Variants in CGNL1 observed in about 807,000 individuals in gnomAD.
CGNL1 encodes cingulin-like protein 1.
In CGNL1, 132 loss-of-function variants were observed where a neutral mutation model predicts 141.2. That is an observed-to-expected ratio of 0.93 (90% CI 0.81 to 1.08). CGNL1 has a LOEUF of 1.08. Among genes scored for constraint, CGNL1 ranks in the 50% least tolerant of loss-of-function variants. CGNL1 has a pLI of 0.00. For missense variants in CGNL1, 1,870 were observed against 1,588.6 expected (o/e 1.18, Z -3.01); for synonymous variants, 690 against 622.1 (o/e 1.11, Z -1.63).
At chr15:57,531,012 G>A (rs1346224306) in intron 13 of CGNL1, among the ~76,000 whole-genome samples, 2 of 152,228 alleles carry the variant, frequency 1.3e-5, no homozygotes, top group Non-Finnish European at 2.9e-5. Flanking sequence ...CCAGTTGTAA[G>A]TGGGGTGGTT....
chr15:57,389,557 G>C (rs1664458), intron 1 of CGNL1, among the ~76,000 whole-genome samples: 133,412 of 152,198 alleles, frequency 0.88, 59,193 homozygotes, highest in East Asian at 1. Flanking sequence ...AAAAAGACAC[G>C]TGCAGGAGTT....
chr15:57,427,854 TG>T (rs2062996240), intron 1 of CGNL1, among the ~76,000 whole-genome samples: 1 of 152,164 alleles, frequency 6.6e-6, no homozygotes, highest in African/African-American at 2.4e-5. Context: ...AAGTGGAGGC[TG>T]GAGGTGGGAA....
Position 57,547,563 on chromosome 15 carries a change from G to A in CGNL1, c.*73G>A. On this transcript the variant is annotated 3_prime_UTR_variant, in exon 19 of 19. Coordinates refer to ENST00000281282, the MANE Select transcript of CGNL1 (RefSeq NM_032866.5). ...AGCCACCCAAAGTGGGAGGCAGGGA[G>A]GGGAGCATCTGTCTGCCACTGAGAC... 6.5e-7 allele frequency: 1 copy of A among 1,549,752 alleles called. No homozygotes were observed. Among genetic ancestry groups the A allele is most frequent in the South Asian group, 1.2e-5 (1 of 83,138 alleles).
chr15:57,385,602 G>A (rs2062474011), intron 1 of CGNL1, among the ~76,000 whole-genome samples: 1 of 152,222 alleles, frequency 6.6e-6, no homozygotes, highest in African/African-American at 2.4e-5. Context: ...ACGATCACTA[G>A]GAGTGATGGC....
intron 8 of CGNL1, among the ~76,000 whole-genome samples, chr15:57,469,733 A>G (rs969303486): frequency 1.3e-5 from 2 of 152,110 alleles, no homozygotes; most frequent in Non-Finnish European, 2.9e-5. Context: ...CCACCCTCCA[A>G]TTTTGGCTGT....
intron 1 of CGNL1, among the ~76,000 whole-genome samples, chr15:57,382,296 C>T (rs1366111062): frequency 6.6e-6 from 1 of 152,120 alleles, no homozygotes; most frequent in African/African-American, 2.4e-5. Flanking sequence ...TATTTCAACC[C>T]GAGAAGGATC....
intron 1 of CGNL1, among the ~76,000 whole-genome samples, chr15:57,398,646 A>G (rs746845091): frequency 2.0e-5 from 3 of 152,178 alleles, no homozygotes; most frequent in Non-Finnish European, 4.4e-5. Flanking sequence ...AAACATAATA[A>G]CTGAGCATGT....
rs557632888 is a variant in CGNL1 at position 57,409,631 on chromosome 15, G to T, written c.-15-28354G>T. Among the ~76,000 whole-genome samples, 13 of 152,278 alleles carry T rather than the reference G, an allele frequency of 8.5e-5. No individual in the cohort carries two copies. In the South Asian group the frequency reaches 2.5e-3, roughly 29 times the overall value. ...ATCACTAACTGATGTTGTGTGAAAG[G>T]GGGAGGGAGAAGGTAGGATGCTTGC... On this transcript the variant is annotated intron_variant, in intron 1 of 18. Coordinates refer to ENST00000281282, the MANE Select transcript of CGNL1 (RefSeq NM_032866.5).
chr15:57,377,370 T>C (rs1595634460), intron 1 of CGNL1, among the ~76,000 whole-genome samples: 1 of 152,312 alleles, frequency 6.6e-6, no homozygotes. Flanking sequence ...AAAATACTGG[T>C]GCCTGTGTCC....
chr15:57,469,129 ATGG>A (rs2063548179), intron 8 of CGNL1, among the ~76,000 whole-genome samples: 1 of 152,006 alleles, frequency 6.6e-6, no homozygotes, highest in African/African-American at 2.4e-5. Flanking sequence ...TGCAGCTGGA[ATGG>A]TTAGAAGTAG....
At chr15:57,515,271 G>C (rs1317459558) in intron 8 of CGNL1, among the ~76,000 whole-genome samples, 2 of 152,194 alleles carry the variant, frequency 1.3e-5, no homozygotes, top group Non-Finnish European at 2.9e-5. Context: ...TCAGTTGCTT[G>C]GCTCCGATGG....
intron 7 of CGNL1, among the ~76,000 whole-genome samples, chr15:57,456,471 C>G (rs2063380079): frequency 6.7e-6 from 1 of 150,094 alleles, no homozygotes; most frequent in Admixed American, 6.7e-5. Context: ...TGTTTCTTCT[C>G]TAATAAACTG....
intron 1 of CGNL1, among the ~76,000 whole-genome samples, chr15:57,419,551 G>T (rs1050189875): frequency 1.3e-5 from 2 of 152,060 alleles, no homozygotes; most frequent in Non-Finnish European, 2.9e-5. Context: ...CAGTTTTGAA[G>T]GGTATTGGTT....
chr15:57,461,993 A>G, intron 8 of CGNL1, 101 bp downstream of exon 8: 1 of 858,012 alleles, frequency 1.2e-6, no homozygotes, highest in Non-Finnish European at 1.9e-6. Context: ...TTAATTAGAG[A>G]GTGAATCTCA....
intron 8 of CGNL1, 60 bp from the exon 9 acceptor site, chr15:57,516,720 A>T (rs2030829819): frequency 6.5e-7 from 1 of 1,547,210 alleles, no homozygotes; most frequent in African/African-American, 1.4e-5. Flanking sequence ...CCATTCTTCC[A>T]GCCTGGGGAC....
In CGNL1 at chr15:57,518,394, G is replaced by A. The variant is rs1302915932; in HGVS notation, c.2612G>A (p.Gly871Glu). Reference sequence around the variant, plus strand: ...CACTGACCCAGTGTTTCATTGTAGGGAGAAATACGACAGTTAGAGGAGGCC... The same window carrying A: ...CACTGACCCAGTGTTTCATTGTAGGAAGAAATACGACAGTTAGAGGAGGCC... ...KAKETLKKYE[G>E]EIRQLEEALV... The change falls in exon 10 of 19, where the codon GGA (glycine) becomes GAA (glutamate). Residue 871 changes from glycine to glutamate, a missense_variant and splice_region_variant. Physicochemically the swap from Gly to Glu is moderately conservative, Grantham distance 98 (BLOSUM62 -2). Coordinates refer to ENST00000281282, the MANE Select transcript of CGNL1 (RefSeq NM_032866.5). 1 of 1,611,450 alleles carries A rather than the reference G, an allele frequency of 6.2e-7. No individual in the cohort carries two copies. Among genetic ancestry groups the A allele is most frequent in the African/African-American group, 1.3e-5 (1 of 74,880 alleles).
At chr15:57,402,491 A>G (rs563879709) in intron 1 of CGNL1, among the ~76,000 whole-genome samples, 2 of 152,340 alleles carry the variant, frequency 1.3e-5, no homozygotes, top group African/African-American at 4.8e-5. Context: ...TAAGTAGGGC[A>G]TAAAGAAAGG....
intron 8 of CGNL1, among the ~76,000 whole-genome samples, chr15:57,464,263 C>T (rs1427980746): frequency 6.6e-6 from 1 of 151,990 alleles, no homozygotes; most frequent in Non-Finnish European, 1.5e-5. Flanking sequence ...CTTAGAGTTG[C>T]CAGTGAGAGA....
chr15:57,516,903 C>A lies in CGNL1; in HGVS notation c.2527C>A (p.Arg843=), dbSNP rs200180268. Residue 843 remains arginine (R), a synonymous_variant, in exon 9 of 19, where the codon CGG becomes AGG. Coordinates refer to ENST00000281282, the MANE Select transcript of CGNL1 (RefSeq NM_032866.5). ...GCAGGGAAGAAGCGAAGAGCTGGAG[C>A]GGAGAGTTGCTCAGCTTCAAAGGCA... is the stretch of plus-strand genomic sequence containing the variant. ...KLQGRSEELE[R]RVAQLQRQIE... is the part of the protein sequence containing the mutation. The A allele has an allele frequency of 3.7e-6, 6 of 1,613,330 alleles. No individual in the cohort carries two copies. Among genetic ancestry groups the A allele is most frequent in the Non-Finnish European group, 5.1e-6 (6 of 1,180,016 alleles).
Sources: allele counts gnomAD v4.1 joint callset (sites outside exome capture counted in the v4.1 genomes callset), GRCh38; gene constraint gnomAD v4.1.1; transcripts MANE v1.5; gene names NCBI Gene and HGNC (gene_info 2026-07-23, HGNC 2026-07-21).